Variants in ZNF536 observed in about 807,000 individuals in gnomAD.
The protein encoded by ZNF536 is zinc finger protein 536.
A neutral mutation model predicts 84.5 loss-of-function variants in ZNF536; 13 were observed. That is an observed-to-expected ratio of 0.15 (90% CI 0.10 to 0.24). ZNF536 has a LOEUF of 0.24. Among genes scored for constraint, ZNF536 ranks in the 10% least tolerant of loss-of-function variants. ZNF536 has a pLI of 1.00. For synonymous variants in ZNF536, 811 were observed against 742.5 expected, an observed-to-expected ratio of 1.09 and a Z score of -1.50; for missense variants, 1,536 against 1,747.5, an observed-to-expected ratio of 0.88 and a Z score of 2.16.
intron 1 of ZNF536, among the ~76,000 whole-genome samples, chr19:30,636,711 G>C (rs1196944694): frequency 6.6e-6 from 1 of 152,064 alleles, no homozygotes; most frequent in Non-Finnish European, 1.5e-5. Context: ...ACCTCATTTT[G>C]GTCATGGAAG....
At chr19:30,505,774 T>G (rs1296647693) in intron 2 of ZNF536, among the ~76,000 whole-genome samples, 1 of 151,954 alleles carries the variant, frequency 6.6e-6, no homozygotes, top group Non-Finnish European at 1.5e-5. Flanking sequence ...CAAGTGATTC[T>G]CCTGCCTCAG....
At chr19:30,367,208 C>T (rs577120510) in intron 3 of ZNF536, among the ~76,000 whole-genome samples, 136 of 152,294 alleles carry the variant, frequency 8.9e-4, no homozygotes, top group African/African-American at 3.1e-3. Context: ...GTGCTTGGGA[C>T]GTTCCGTGCT....
At chr19:30,711,161 T>A (rs1227147306) in exon 2 of ZNF536, 1 of 147,782 alleles carries the variant, frequency 6.8e-6, no homozygotes, top group African/African-American at 2.5e-5. Context: ...ATATATATAT[T>A]AAAAAAAAAA....
chr19:30,560,028 TC>T (rs2046103915), downstream of ZNF536, among the ~76,000 whole-genome samples: 1 of 151,854 alleles, frequency 6.6e-6, no homozygotes, highest in Non-Finnish European at 1.5e-5. Context: ...CGCCGTACAC[TC>T]CCCCTGCTTC....
intron 2 of ZNF536, among the ~76,000 whole-genome samples, chr19:30,474,705 G>A (rs564240505): frequency 6.6e-6 from 1 of 152,284 alleles, no homozygotes; most frequent in East Asian, 1.9e-4. Context: ...AGGGAGTACA[G>A]GAGCAGATCA....
downstream of ZNF536, among the ~76,000 whole-genome samples, chr19:30,560,018 C>T (rs574358410): frequency 1.8e-4 from 28 of 152,188 alleles, no homozygotes; most frequent in African/African-American, 6.0e-4. Flanking sequence ...AGGGCACTCA[C>T]GCCGTACACT....
intron 1 of ZNF536, among the ~76,000 whole-genome samples, chr19:30,702,678 C>T (rs1472512768): frequency 6.6e-6 from 1 of 152,216 alleles, no homozygotes; most frequent in African/African-American, 2.4e-5. Context: ...CCTCGCTGAC[C>T]TGCTCCTAGG....
At chr19:30,313,586 T>A (rs1487843697) in intron 2 of ZNF536, among the ~76,000 whole-genome samples, 1 of 152,042 alleles carries the variant, frequency 6.6e-6, no homozygotes, top group Non-Finnish European at 1.5e-5. Flanking sequence ...CCCCATGACC[T>A]CCAAAGCCTC....
At chr19:30,353,247 C>A (rs928313760) in intron 3 of ZNF536, among the ~76,000 whole-genome samples, 4 of 152,072 alleles carry the variant, frequency 2.6e-5, no homozygotes, top group Non-Finnish European at 5.9e-5. Flanking sequence ...CAGGGAAGTA[C>A]CATAAATTGA....
intron 2 of ZNF536, among the ~76,000 whole-genome samples, chr19:30,336,252 CTTCT>C (rs2047381144): frequency 6.6e-6 from 1 of 152,198 alleles, no homozygotes; most frequent in African/African-American, 2.4e-5. Context: ...TCATTGGTTC[CTTCT>C]AGAAGTTGCC....
chr19:30,285,336 A>G (rs1013271150), intron 2 of ZNF536, among the ~76,000 whole-genome samples: 2 of 152,144 alleles, frequency 1.3e-5, no homozygotes, highest in African/African-American at 2.4e-5. Flanking sequence ...TGAACTCCAC[A>G]TCTGTAGGCC....
rs142441121 is a variant in ZNF536, at chr19:30,529,000, G to A, written c.2171-5847G>A. Among the ~76,000 whole-genome samples the A allele has an allele frequency of 4.5e-4, 68 of 152,076 alleles. 2 individuals are homozygous for A. Among genetic ancestry groups the A allele is most frequent in the African/African-American group, 1.6e-3 (66 of 41,488 alleles). ...TCTTTCAGCATGGCGGGACCCGGAG[G>A]TCTAGTCCTCGTGGGTCAGATGGGA... On this transcript the variant is annotated intron_variant, in intron 2 of 4. Transcript: ENST00000355537.
chr19:30,699,221 CT>C (rs34598865), intron 1 of ZNF536, among the ~76,000 whole-genome samples: 2 of 152,084 alleles, frequency 1.3e-5, no homozygotes, highest in African/African-American at 4.8e-5. Context: ...CCCTGGTTCC[CT>C]TTTTTTGGGA....
intron 1 of ZNF536, 108 bp from the exon 2 acceptor site, chr19:30,443,453 T>G: frequency 1.4e-6 from 2 of 1,413,822 alleles, no homozygotes; most frequent in Non-Finnish European, 1.9e-6. Flanking sequence ...CTTAGCATGA[T>G]TATGTGTAGG....
At chr19:30,283,230 C>T (rs1031453369) in intron 1 of ZNF536, among the ~76,000 whole-genome samples, 3 of 152,220 alleles carry the variant, frequency 2.0e-5, no homozygotes, top group South Asian at 2.1e-4. Context: ...TGCCCCATAA[C>T]ATCCCTTCCG....
At chr19:30,263,950 A>G (rs1199743655) in intron 1 of ZNF536, among the ~76,000 whole-genome samples, 1 of 152,198 alleles carries the variant, frequency 6.6e-6, no homozygotes, top group Non-Finnish European at 1.5e-5. Context: ...GCAAGAGAAA[A>G]TAAGAAATCC....
At chr19:30,608,188 C>T (rs1433801102) in intron 1 of ZNF536, among the ~76,000 whole-genome samples, 3 of 152,152 alleles carry the variant, frequency 2.0e-5, no homozygotes, top group Non-Finnish European at 4.4e-5. Context: ...ATGACAAGCA[C>T]AGAAGTAAAC....
intron 1 of ZNF536, among the ~76,000 whole-genome samples, chr19:30,622,655 A>G (rs1055282271): frequency 6.6e-6 from 1 of 152,130 alleles, no homozygotes; most frequent in Non-Finnish European, 1.5e-5. Context: ...GATGCTTTTT[A>G]TATATGTTGT....
At chr19:30,651,098 A>C (rs2049684041) in intron 1 of ZNF536, among the ~76,000 whole-genome samples, 1 of 152,298 alleles carries the variant, frequency 6.6e-6, no homozygotes, top group Non-Finnish European at 1.5e-5. Flanking sequence ...CAGCTGCGCC[A>C]CATAAAGGGG....
Sources: allele counts gnomAD v4.1 joint callset (sites outside exome capture counted in the v4.1 genomes callset), GRCh38; gene constraint gnomAD v4.1.1; transcripts MANE v1.5; gene names NCBI Gene and HGNC (gene_info 2026-07-23, HGNC 2026-07-21).